GMDS: variants seen among roughly 807,000 people sequenced by gnomAD.
GMDS encodes GDP-mannose 4,6-dehydratase, also known as GDP-mannose 4,6 dehydratase.
GMDS carries 20 observed loss-of-function variants against 49.9 expected under a neutral mutation model. The ratio of observed to expected loss-of-function variants is 0.40; its 90% CI spans 0.28 to 0.58. The LOEUF (loss-of-function observed/expected upper bound fraction) is 0.58, where lower values mean the gene tolerates loss of function less well. GMDS is among the 20% of genes least tolerant of loss of function. The pLI, the probability that GMDS is intolerant of heterozygous loss-of-function variation, is 0.42. For missense variants in GMDS, 362 were observed against 481.4 expected (o/e 0.75, Z 2.32); for synonymous variants, 177 against 178.6 (o/e 0.99, Z 0.07).
intron 9 of GMDS, among the ~76,000 whole-genome samples, chr6:1,624,918 T>A (rs1762806512): frequency 6.8e-6 from 1 of 146,538 alleles, no homozygotes; most frequent in Non-Finnish European, 1.5e-5. Flanking sequence ...CTTCTCTGGC[T>A]AGGAGGGAAG....
chr6:2,109,345 G>A (rs1320713424), intron 4 of GMDS, among the ~76,000 whole-genome samples: 1 of 152,218 alleles, frequency 6.6e-6, no homozygotes, highest in Non-Finnish European at 1.5e-5. Context: ...GCCTCACGGA[G>A]AAGCTGATGC....
intron 9 of GMDS, among the ~76,000 whole-genome samples, chr6:1,698,069 A>T (rs1193410634): frequency 1.3e-5 from 2 of 152,300 alleles, no homozygotes; most frequent in Admixed American, 1.3e-4. Context: ...AAAAGCAAAG[A>T]GTAGACAAAG....
intron 4 of GMDS, among the ~76,000 whole-genome samples, chr6:1,983,018 T>C (rs774859515): frequency 2.0e-5 from 3 of 152,124 alleles, no homozygotes; most frequent in Non-Finnish European, 4.4e-5. Context: ...ATGGTACTGG[T>C]ATAAGAACAG....
intron 6 of GMDS, among the ~76,000 whole-genome samples, chr6:1,936,983 A>C (rs1762584959): frequency 6.6e-6 from 1 of 151,974 alleles, no homozygotes; most frequent in Non-Finnish European, 1.5e-5. Context: ...AAAAAAAAAA[A>C]AATTACAATA....
At chr6:2,239,054 C>A (rs1165783989) in intron 1 of GMDS, among the ~76,000 whole-genome samples, 1 of 152,096 alleles carries the variant, frequency 6.6e-6, no homozygotes, top group Non-Finnish European at 1.5e-5. Flanking sequence ...CCTGGCCGGG[C>A]ACGGTGGCTC....
At chr6:2,010,095 G>A (rs935812111) in intron 4 of GMDS, among the ~76,000 whole-genome samples, 1 of 152,084 alleles carries the variant, frequency 6.6e-6, no homozygotes, top group Non-Finnish European at 1.5e-5. Flanking sequence ...TTGGGAGGCC[G>A]AGGTGGGTGG....
chr6:2,175,833 G>A (rs1390004948), intron 1 of GMDS: 2 of 696,354 alleles, frequency 2.9e-6, no homozygotes, highest in Non-Finnish European at 2.6e-6. Context: ...AGCACCTTAT[G>A]CATGAACCCA....
intron 7 of GMDS, among the ~76,000 whole-genome samples, chr6:1,822,693 G>A (rs543484353): frequency 1.3e-5 from 2 of 152,212 alleles, no homozygotes; most frequent in African/African-American, 4.8e-5. Context: ...AAAAGTAGAA[G>A]CATGTTTGAA....
chr6:1,920,168 G>A (rs1761645329), intron 7 of GMDS, among the ~76,000 whole-genome samples: 1 of 152,162 alleles, frequency 6.6e-6, no homozygotes, highest in Admixed American at 6.5e-5. Flanking sequence ...AAAAGGTTTT[G>A]TTTTGTGTCT....
At chr6:2,038,797 T>G (rs1397106992) in intron 4 of GMDS, among the ~76,000 whole-genome samples, 1 of 152,202 alleles carries the variant, frequency 6.6e-6, no homozygotes, top group Admixed American at 6.5e-5. Context: ...TCAACTGCTG[T>G]GCACTCTGGA....
intron 7 of GMDS, among the ~76,000 whole-genome samples, chr6:1,783,222 C>T (rs546237717): frequency 3.3e-5 from 5 of 152,216 alleles, no homozygotes; most frequent in African/African-American, 1.2e-4. Context: ...AACTGGGGAG[C>T]TGAATTCTGA....
intron 8 of GMDS, among the ~76,000 whole-genome samples, chr6:1,737,582 TACAC>T (rs776871049): frequency 3.0e-5 from 3 of 101,008 alleles, no homozygotes; most frequent in South Asian, 3.2e-4. Flanking sequence ...CACACAAAAA[TACAC>T]ACACATACAC....
chr6:1,642,265 C>G (rs1329937643), intron 9 of GMDS, among the ~76,000 whole-genome samples: 2 of 148,836 alleles, frequency 1.3e-5, no homozygotes, highest in East Asian at 4.0e-4. Context: ...CTCCCAGGTT[C>G]AAGAGATTCT....
At chr6:1,849,763 T>C (rs1757572743) in intron 7 of GMDS, among the ~76,000 whole-genome samples, 1 of 152,198 alleles carries the variant, frequency 6.6e-6, no homozygotes, top group Non-Finnish European at 1.5e-5. Flanking sequence ...GTCTAGAGAC[T>C]CGACAGAACA....
chr6:1,913,344 G>GCACTC (rs1333945550), intron 7 of GMDS, among the ~76,000 whole-genome samples: 1 of 137,890 alleles, frequency 7.3e-6, no homozygotes, highest in Non-Finnish European at 1.5e-5. Context: ...TCCTGCCACT[G>GCACTC]CACTCCAGCC....
Position 1,981,248 on chromosome 6 carries a change from G to A in GMDS, c.346-20282C>T, listed in dbSNP as rs547270691. On this transcript the variant is annotated intron_variant, in intron 4 of 10. Transcript: ENST00000380815. ...AAAACCTGCAAAAAAAAAAAATTCA[G>A]GCTGGTTTTTGGAAAAAAATTAATA... 1.2e-3 allele frequency among the ~76,000 whole-genome samples: 158 copies of A among 130,078 alleles called. 2 individuals are homozygous for A. The highest frequency in any genetic ancestry group is 2.5e-3 in the Non-Finnish European group (141 of 57,492). 85.3% of individuals were successfully genotyped at this position (130,078 alleles called of 152,430 possible). A position where few individuals can be genotyped will look rare whatever the true frequency, so the allele number is the denominator to read the frequency against.
At chr6:1,874,171 T>A (rs1007274549) in intron 7 of GMDS, among the ~76,000 whole-genome samples, 1 of 152,234 alleles carries the variant, frequency 6.6e-6, no homozygotes, top group African/African-American at 2.4e-5. Flanking sequence ...TTTTAGTTTT[T>A]CACTGTGGCT....
chr6:1,769,778 CA>C (rs1561793054), intron 7 of GMDS, among the ~76,000 whole-genome samples: 4 of 151,854 alleles, frequency 2.6e-5, no homozygotes, highest in Non-Finnish European at 4.4e-5. Flanking sequence ...TCTCCACAAC[CA>C]AAAAATGCGT....
chr6:2,011,389 GA>G (rs140152383), intron 4 of GMDS, among the ~76,000 whole-genome samples: 1,701 of 152,278 alleles, frequency 0.011, 35 homozygotes, highest in African/African-American at 0.04. Flanking sequence ...ACAGTATAGA[GA>G]TTTCTCAAAG....
Sources: gnomAD v4.1 joint callset for allele counts (sites outside exome capture counted in the v4.1 genomes callset) on GRCh38, gnomAD v4.1.1 for gene constraint, MANE v1.5 for transcripts, NCBI Gene and HGNC (gene_info 2026-07-23, HGNC 2026-07-21) for gene names.